MALRD1: variants seen among roughly 807,000 people sequenced by gnomAD.
The protein encoded by MALRD1 is MAM and LDL receptor class A domain containing 1, also known as MAM and LDL-receptor class A domain-containing protein 1.
In MALRD1, 247 loss-of-function variants were observed where a neutral mutation model predicts 242.1. The observed-to-expected ratio is 1.02, with a 90% CI of 0.92 to 1.13. MALRD1 has a LOEUF of 1.13. Among genes scored for constraint, MALRD1 ranks in the 50% most tolerant of loss-of-function variants. The pLI is 0.00. For missense variants in MALRD1, 2,989 were observed against 2,533.1 expected, an observed-to-expected ratio of 1.18 and a Z score of -3.86; for synonymous variants, 995 against 866.6, an observed-to-expected ratio of 1.15 and a Z score of -2.60.
At chr10:19,217,723 G>T (rs558476265) in intron 18 of MALRD1, among the ~76,000 whole-genome samples, 2 of 151,802 alleles carry the variant, frequency 1.3e-5, no homozygotes, top group Non-Finnish European at 2.9e-5. Flanking sequence ...GACGGATTTC[G>T]CTATGTTGGC....
chr10:19,177,067 A>G (rs1414210978), intron 14 of MALRD1, among the ~76,000 whole-genome samples: 1 of 152,062 alleles, frequency 6.6e-6, no homozygotes, highest in Non-Finnish European at 1.5e-5. Flanking sequence ...AGTTGAGGTC[A>G]GGAGTTCAAG....
At chr10:19,076,116 A>T (rs1010440293) in intron 2 of MALRD1, among the ~76,000 whole-genome samples, 2 of 151,642 alleles carry the variant, frequency 1.3e-5, no homozygotes, top group African/African-American at 4.8e-5. Context: ...TATGTGTTTA[A>T]CTTTTTTATT....
At chr10:19,178,576 G>A (rs931522653) in intron 14 of MALRD1, among the ~76,000 whole-genome samples, 10 of 152,176 alleles carry the variant, frequency 6.6e-5, no homozygotes, top group African/African-American at 2.2e-4. Flanking sequence ...CTCACAGTCC[G>A]CGTGATGAAA....
intron 36 of MALRD1, among the ~76,000 whole-genome samples, chr10:19,688,995 AAAG>A (rs1256015406): frequency 2.6e-5 from 4 of 152,166 alleles, no homozygotes; most frequent in Non-Finnish European, 4.4e-5. Context: ...GGTGAAGAGG[AAAG>A]AAGAAGAGGA....
chr10:19,553,523 C>G (rs998822468), intron 32 of MALRD1, among the ~76,000 whole-genome samples: 5 of 152,042 alleles, frequency 3.3e-5, no homozygotes, highest in African/African-American at 1.2e-4. Context: ...ACTAAATTCT[C>G]TGATTTCTAG....
chr10:19,512,764 G>T (rs1833461702), intron 31 of MALRD1, among the ~76,000 whole-genome samples: 1 of 151,994 alleles, frequency 6.6e-6, no homozygotes, highest in Non-Finnish European at 1.5e-5. Context: ...TTATGGATTT[G>T]ACAAACCAAA....
chr10:19,067,430 G>T (rs1450634924), intron 2 of MALRD1, among the ~76,000 whole-genome samples: 1 of 152,086 alleles, frequency 6.6e-6, no homozygotes, highest in Non-Finnish European at 1.5e-5. Context: ...TTCCATGCCT[G>T]CCCTCATCTG....
At chr10:19,649,210 G>A (rs1222681035) in intron 36 of MALRD1, among the ~76,000 whole-genome samples, 2 of 152,138 alleles carry the variant, frequency 1.3e-5, no homozygotes, top group Admixed American at 6.5e-5. Context: ...ATGTTTATGT[G>A]TCTTTATGGT....
intron 31 of MALRD1, 54 bp from the exon 32 acceptor site, chr10:19,531,140 G>A (rs1281257139): frequency 2.6e-5 from 36 of 1,409,978 alleles, no homozygotes; most frequent in Non-Finnish European, 3.0e-5. Context: ...AACACATTCC[G>A]ACTCATGCGA....
intron 34 of MALRD1, among the ~76,000 whole-genome samples, chr10:19,599,024 A>G (rs1156655480): frequency 2.6e-5 from 4 of 152,180 alleles, no homozygotes; most frequent in Admixed American, 2.6e-4. Context: ...TGGAGAGAGA[A>G]CTTTTTACGG....
chr10:19,211,649 G>A (rs1837073834), intron 18 of MALRD1, among the ~76,000 whole-genome samples: 1 of 126,566 alleles, frequency 7.9e-6, no homozygotes, highest in African/African-American at 3.0e-5. Context: ...ATGCGCTACT[G>A]TACTCCAGCC....
At chr10:19,142,197 A>AAAAAAAAGG (rs1833573050) in intron 10 of MALRD1, among the ~76,000 whole-genome samples, 2 of 148,578 alleles carry the variant, frequency 1.3e-5, no homozygotes, top group African/African-American at 4.9e-5. Context: ...AAAAAAAAAA[A>AAAAAAAAGG]GTGGAATGCT....
intron 11 of MALRD1, among the ~76,000 whole-genome samples, chr10:19,154,500 T>C (rs571305809): frequency 1.3e-5 from 2 of 152,208 alleles, no homozygotes; most frequent in Admixed American, 1.3e-4. Context: ...ACCTGTGATC[T>C]TTTAAGCTGC....
intron 21 of MALRD1, among the ~76,000 whole-genome samples, chr10:19,313,567 T>C (rs961635514): frequency 6.6e-6 from 1 of 151,502 alleles, no homozygotes; most frequent in Non-Finnish European, 1.5e-5. Context: ...GTACCCCAAT[T>C]TGATCTTTAC....
chr10:19,315,694 A>G (rs983495949), intron 21 of MALRD1, among the ~76,000 whole-genome samples: 2 of 134,102 alleles, frequency 1.5e-5, no homozygotes, highest in Non-Finnish European at 3.1e-5. Flanking sequence ...ATATAATTAT[A>G]TATAATACAT....
intron 22 of MALRD1, among the ~76,000 whole-genome samples, chr10:19,325,229 A>G (rs1843076057): frequency 6.6e-6 from 1 of 151,714 alleles, no homozygotes; most frequent in South Asian, 2.1e-4. Context: ...ATTATTATTT[A>G]TTTGCTCCTC....
At chr10:19,554,294 C>A (rs923969917) in intron 32 of MALRD1, among the ~76,000 whole-genome samples, 1 of 152,012 alleles carries the variant, frequency 6.6e-6, no homozygotes, top group Non-Finnish European at 1.5e-5. Context: ...TTGTAGAAGG[C>A]GAACGGGTAG....
At chr10:19,166,658 A>G (rs754866506) in intron 13 of MALRD1, among the ~76,000 whole-genome samples, 5 of 152,200 alleles carry the variant, frequency 3.3e-5, no homozygotes, top group Non-Finnish European at 7.3e-5. Context: ...GACACATTAT[A>G]TGCATGTATC....
chr10:19,624,563 A>C (rs1488172879), intron 36 of MALRD1, among the ~76,000 whole-genome samples: 1 of 152,088 alleles, frequency 6.6e-6, no homozygotes, highest in Non-Finnish European at 1.5e-5. Flanking sequence ...GTAATTTAGC[A>C]GTTAAGATGA....
Sources: allele counts gnomAD v4.1 joint callset (sites outside exome capture counted in the v4.1 genomes callset), GRCh38; gene constraint gnomAD v4.1.1; transcripts MANE v1.5; gene names NCBI Gene and HGNC (gene_info 2026-07-23, HGNC 2026-07-21).